The following CLEC4F variants were observed in gnomAD, a reference collection of about 807,000 sequenced individuals.
CLEC4F encodes C-type lectin domain family 4 member F, also known as C-type (calcium dependent, carbohydrate-recognition domain) lectin, superfamily member 13.
A neutral mutation model predicts 53.4 loss-of-function variants in CLEC4F; 45 were observed. The ratio of observed to expected loss-of-function variants is 0.84; its 90% CI spans 0.66 to 1.08. CLEC4F has a LOEUF of 1.08. Ranked by LOEUF, CLEC4F falls within the 50% of genes least tolerant of loss-of-function variation. The pLI is 0.00. For synonymous variants in CLEC4F, 245 were observed against 257.5 expected (o/e 0.95, Z 0.46); for missense variants, 753 against 698.2 (o/e 1.08, Z -0.88).
chr2:70,813,515 C>CTTTCTTTCTTTCT lies in CLEC4F; in HGVS notation c.1388-930_1388-918dup, dbSNP rs1558612179. On this transcript the variant is annotated intron_variant, in intron 4 of 6. Transcript: ENST00000272367. Reference sequence around the variant, plus strand: ...TTCTTTTTCTTTCTTTCTTTCTTTTCTTTCTTTCTTTCTTTCTTTCTTTTT... The same window carrying CTTTCTTTCTTTCT: ...TTCTTTTTCTTTCTTTCTTTCTTTTCTTTCTTTCTTTCTTTTCTTTCTTTCTTTCTTTCTTTTT... 1.1e-3 allele frequency among the ~76,000 whole-genome samples: 9 copies of CTTTCTTTCTTTCT among 8,018 alleles called. No homozygotes were observed. The Non-Finnish European group carries it at 0.014, about 12-fold the overall frequency. 5.3% of individuals were successfully genotyped at this position (8,018 alleles called of 152,430 possible). A position where few individuals can be genotyped will look rare whatever the true frequency, so the allele number is the denominator to read the frequency against.
upstream of CLEC4F, among the ~76,000 whole-genome samples, chr2:70,823,047 C>T (rs78814850): frequency 0.018 from 2,797 of 152,278 alleles, 35 homozygotes; most frequent in Non-Finnish European, 0.027. Context: ...CAAGTCGCCC[C>T]GTGGGTAGGG....
At position 70,819,892 on chromosome 2, in the gene CLEC4F, C is replaced by G; in HGVS notation, c.62-1G>C. 4 of 1,578,480 alleles carry G rather than the reference C, an allele frequency of 2.5e-6. No individual in the cohort carries two copies. The highest frequency in any genetic ancestry group is 3.4e-6 in the Non-Finnish European group (4 of 1,163,294). ...GGAGCCATTGCCACAGAGTCCACCT[C>G]TGCAGGGGAGAAGGCAGTGTCCAAG... On this transcript the variant is annotated splice_acceptor_variant, in intron 1 of 6. Transcript: ENST00000272367. LOFTEE classifies it high-confidence loss of function.
At chr2:70,813,341 A>G (rs1466472235) in intron 4 of CLEC4F, among the ~76,000 whole-genome samples, 1 of 152,198 alleles carries the variant, frequency 6.6e-6, no homozygotes, top group Non-Finnish European at 1.5e-5. Flanking sequence ...AGACAGATGG[A>G]AAAAAGGTGT....
chr2:70,813,531 CTTTCTTTTTTTCTTTCTTTCTTTT>C (rs1558612230), intron 4 of CLEC4F, among the ~76,000 whole-genome samples: 75 of 149,598 alleles, frequency 5.0e-4, no homozygotes, highest in African/African-American at 1.8e-3. Flanking sequence ...TTCTTTCTTT[CTTTCTTTTTTTCTTTCTTTCTTTT>C]TTTCTTTCTT....
chr2:70,818,668 G>A (rs1170787814), intron 3 of CLEC4F, among the ~76,000 whole-genome samples: 5 of 151,890 alleles, frequency 3.3e-5, no homozygotes, highest in Middle Eastern at 3.4e-3. Flanking sequence ...CCGAGATCAC[G>A]CCACTGCACT....
At position 70,816,440 on chromosome 2, in the gene CLEC4F, C is replaced by A. The variant is rs782423387; in HGVS notation, c.941G>T (p.Ser314Ile). Residue 314 changes from serine to isoleucine, a missense_variant, in exon 4 of 7, where the codon AGT becomes ATT. Coordinates refer to ENST00000272367, the MANE Select transcript of CLEC4F (RefSeq NM_173535.3). ...ACCTCTTAAGAACTGGATCTCAGCA[C>A]TAGTGTTGTCAAAACTGCTTTTTAT... is the stretch of plus-strand genomic sequence containing the variant. ...AFIKSSFDNT[S>I]AEIQFLRGHL... 8.7e-6 allele frequency: 14 copies of A among 1,614,080 alleles called. No individual in the cohort carries two copies. The highest frequency in any genetic ancestry group is 1.6e-4 in the Middle Eastern group (1 of 6,062).
At chr2:70,810,985 T>C in intron 5 of CLEC4F, 1 of 579,650 alleles carries the variant, frequency 1.7e-6, no homozygotes, top group Non-Finnish European at 3.4e-6. Flanking sequence ...AAATATTCTG[T>C]AAATTCTACG....
upstream of CLEC4F, among the ~76,000 whole-genome samples, chr2:70,824,622 C>CAAAAAAAAAAAA (rs1180721472): frequency 3.1e-4 from 12 of 38,764 alleles, no homozygotes; most frequent in African/African-American, 4.1e-4. Flanking sequence ...GCTTAGTTAC[C>CAAAAAAAAAAAA]AAAAAAAAAA....
chr2:70,816,429 G>A lies in CLEC4F; in HGVS notation c.952C>T (p.Gln318Ter). The A allele has an allele frequency of 6.2e-7, 1 of 1,613,998 alleles. No individual in the cohort carries two copies. Among genetic ancestry groups the A allele is most frequent in the Non-Finnish European group, 8.5e-7 (1 of 1,179,998 alleles). The change falls in exon 4 of 7, where the codon CAG (glutamine) becomes TAG (stop). Residue 318 changes from glutamine to a stop codon, truncating the protein, a stop_gained. Coordinates refer to ENST00000272367, the MANE Select transcript of CLEC4F (RefSeq NM_173535.3). LOFTEE classifies it high-confidence loss of function. ...CTTTCCAAATGACCTCTTAAGAACT[G>A]GATCTCAGCACTAGTGTTGTCAAAA... Reference protein sequence around the residue: ...SSFDNTSAEIQFLRGHLERAG... With the variant: ...SSFDNTSAEI
rs1330080529 is a variant in CLEC4F at position 70,812,612 on chromosome 2, T to G, written c.1388-14A>C. ...GGAGAAGCTGACCTGGAGCAAAGATTGGGGAGAAAAGAGAACCAGGAGCTG... is the reference window on the plus strand; with the variant it reads ...GGAGAAGCTGACCTGGAGCAAAGATGGGGGAGAAAAGAGAACCAGGAGCTG... On this transcript the variant is annotated splice_polypyrimidine_tract_variant and intron_variant, in intron 4 of 6. Coordinates refer to ENST00000272367, the MANE Select transcript of CLEC4F (RefSeq NM_173535.3). 1 of 1,613,062 alleles carries G rather than the reference T, an allele frequency of 6.2e-7. No homozygotes were observed. Among genetic ancestry groups the G allele is most frequent in the Non-Finnish European group, 8.5e-7 (1 of 1,179,806 alleles).
At chr2:70,813,973 C>T (rs1260777456) in intron 4 of CLEC4F, among the ~76,000 whole-genome samples, 11 of 152,124 alleles carry the variant, frequency 7.2e-5, no homozygotes, top group African/African-American at 2.4e-4. Context: ...GCCACTGTGC[C>T]CCGTCTGGAG....
chr2:70,816,313 ATCTG>A lies in CLEC4F; in HGVS notation c.1064_1067del (p.Thr355IlefsTer14). On this transcript the variant is annotated frameshift_variant, in exon 4 of 7. Coordinates refer to ENST00000272367, the MANE Select transcript of CLEC4F (RefSeq NM_173535.3). LOFTEE classifies it high-confidence loss of function. ...CTGACTTGAATACCTGAATCTGAGT[ATCTG>A]TCTGGTCCAGACGGCCATTTGCTTT... 3 of 1,614,202 alleles carry A rather than the reference ATCTG, an allele frequency of 1.9e-6. No individual in the cohort carries two copies. The highest frequency in any genetic ancestry group is 2.5e-6 in the Non-Finnish European group (3 of 1,180,024).
chr2:70,820,894 A>G (rs1405858582), upstream of CLEC4F, among the ~76,000 whole-genome samples: 4 of 152,100 alleles, frequency 2.6e-5, no homozygotes, highest in Admixed American at 2.6e-4. Context: ...AAACATCCTT[A>G]TGACTATGGC....
At chr2:70,812,851 C>G (rs186710988) in intron 4 of CLEC4F, among the ~76,000 whole-genome samples, 121 of 152,322 alleles carry the variant, frequency 7.9e-4, no homozygotes, top group Admixed American at 2.9e-3. Context: ...TTCCAGATAC[C>G]TGCTTCCTGG....
At position 70,820,446 on chromosome 2, in the gene CLEC4F, G is replaced by A. The variant is rs1553397692; in HGVS notation, c.61+17C>T. ...TACTCCCTCACTGGGCAAGAGCTGG[G>A]GCCCCAGTTTTCTCACCTTGGGGGT... On this transcript the variant is annotated intron_variant, in intron 1 of 6. Coordinates refer to ENST00000272367, the MANE Select transcript of CLEC4F (RefSeq NM_173535.3). 2 of 1,573,056 alleles carry A rather than the reference G, an allele frequency of 1.3e-6. No homozygotes were observed. Among genetic ancestry groups the A allele is most frequent in the South Asian group, 1.2e-5 (1 of 85,904 alleles).
intron 4 of CLEC4F, among the ~76,000 whole-genome samples, chr2:70,813,606 T>TCTTTCTTTCTTTCTTTCTTTCTTC (rs1553394947): frequency 6.7e-5 from 9 of 134,652 alleles, no homozygotes; most frequent in African/African-American, 3.0e-4. Context: ...TCTCTTTCTT[T>TCTTTCTTTCTTTCTTTCTTTCTTC]CTTTCTTTCT....
chr2:70,822,016 C>T (rs1425173697), upstream of CLEC4F, among the ~76,000 whole-genome samples: 1 of 152,182 alleles, frequency 6.6e-6, no homozygotes, highest in African/African-American at 2.4e-5. Flanking sequence ...ACCTCAGCCT[C>T]CCAAAGTGCT....
At chr2:70,823,638 G>C (rs1432742808), upstream of CLEC4F, among the ~76,000 whole-genome samples, 1 of 152,014 alleles carries the variant, frequency 6.6e-6, no homozygotes. Flanking sequence ...TTTCCCACAG[G>C]AACACCATCT....
intron 4 of CLEC4F, among the ~76,000 whole-genome samples, chr2:70,814,953 AG>A (rs1285839944): frequency 6.6e-6 from 1 of 152,100 alleles, no homozygotes; most frequent in Non-Finnish European, 1.5e-5. Context: ...GCCCAGCTAA[AG>A]CAGCAGTGAG....
Sources: gnomAD v4.1 joint callset for allele counts (sites outside exome capture counted in the v4.1 genomes callset) on GRCh38, gnomAD v4.1.1 for gene constraint, MANE v1.5 for transcripts, NCBI Gene and HGNC (gene_info 2026-07-23, HGNC 2026-07-21) for gene names.